Variants in GABRA3 observed in about 807,000 individuals in gnomAD.
GABRA3 encodes gamma-aminobutyric acid receptor subunit alpha-3.
GABRA3 carries 10 observed loss-of-function variants against 30.1 expected under a neutral mutation model. That is an observed-to-expected ratio of 0.33 (90% CI 0.20 to 0.56). The LOEUF (loss-of-function observed/expected upper bound fraction) is 0.56. Among genes scored for constraint, GABRA3 ranks in the 20% least tolerant of loss-of-function variants. GABRA3 has a pLI of 0.89. For missense variants in GABRA3, 233 were observed against 392.0 expected (o/e 0.59, Z 3.42); for synonymous variants, 151 against 146.8 (o/e 1.03, Z -0.21).
At chrX:152,341,904 A>C (rs1224327901) in intron 3 of GABRA3, among the ~76,000 whole-genome samples, 2 of 96,591 alleles carry the variant, frequency 2.1e-5, no homozygotes, top group African/African-American at 7.8e-5. Flanking sequence ...ATGGAGTCTC[A>C]CTCTGTTGCC....
At chrX:152,308,336 T>C (rs1939750287) in intron 3 of GABRA3, among the ~76,000 whole-genome samples, 1 of 112,720 alleles carries the variant, frequency 8.9e-6, no homozygotes, top group African/African-American at 3.2e-5. Flanking sequence ...GCTGCTGGCA[T>C]GCATACGCAC....
At chrX:152,237,864 G>T (rs1326038960) in intron 5 of GABRA3, among the ~76,000 whole-genome samples, 31 of 110,023 alleles carry the variant, frequency 2.8e-4, no homozygotes, top group African/African-American at 9.6e-4. Context: ...CTTTGCTGAA[G>T]TTGCTTATCA....
intron 3 of GABRA3, among the ~76,000 whole-genome samples, chrX:152,326,921 G>T (rs1331670219): frequency 9.1e-6 from 1 of 110,072 alleles, no homozygotes; most frequent in Non-Finnish European, 1.9e-5. Context: ...ATTGGATAAA[G>T]AATCTAGACC....
intron 6 of GABRA3, among the ~76,000 whole-genome samples, chrX:152,213,709 C>A (rs1229360970): frequency 9.0e-6 from 1 of 111,447 alleles, no homozygotes; most frequent in African/African-American, 3.3e-5. Context: ...AGGTAGGTAA[C>A]CAGAATACAG....
chrX:152,210,380 C>T (rs1603210216), intron 6 of GABRA3, among the ~76,000 whole-genome samples: 1 of 111,525 alleles, frequency 9.0e-6, no homozygotes, highest in African/African-American at 3.3e-5. Context: ...TTTCATTTTC[C>T]TCATTTCTAC....
At chrX:152,377,248 CT>C (rs1402874236) in intron 1 of GABRA3, among the ~76,000 whole-genome samples, 2 of 111,496 alleles carry the variant, frequency 1.8e-5, no homozygotes, top group African/African-American at 6.5e-5. Context: ...AGTTGCTATT[CT>C]TTATCCATCC....
At chrX:152,240,687 C>A (rs1319868108) in intron 5 of GABRA3, among the ~76,000 whole-genome samples, 2 of 101,195 alleles carry the variant, frequency 2.0e-5, no homozygotes, top group Non-Finnish European at 3.9e-5. Flanking sequence ...GGAGGCTTTG[C>A]TCATATCTTT....
At chrX:152,423,883 A>G (rs921390335) in intron 1 of GABRA3, among the ~76,000 whole-genome samples, 4 of 111,499 alleles carry the variant, frequency 3.6e-5, no homozygotes, top group Non-Finnish European at 5.7e-5. Context: ...TTACATTTGG[A>G]TATTACAAAT....
At chrX:152,259,472 C>T (rs1006124825) in intron 4 of GABRA3, among the ~76,000 whole-genome samples, 4 of 111,366 alleles carry the variant, frequency 3.6e-5, no homozygotes, top group Admixed American at 9.5e-5. Context: ...CAAAAGAGAT[C>T]GCTTCCTTCC....
chrX:152,208,004 T>C lies in GABRA3; in HGVS notation c.775A>G (p.Thr259Ala). Residue 259 changes from threonine to alanine, a missense_variant, in exon 7 of 10, where the codon ACA (threonine) becomes GCA (alanine). Transcript: ENST00000370314. ...TTAAATAAAATAAGTTAAATACCTGTACTAGACCGGATTATCTCTGTCCCA... is the reference window on the plus strand; with the variant it reads ...TTAAATAAAATAAGTTAAATACCTGCACTAGACCGGATTATCTCTGTCCCA... ...VVGTEIIRSS[T>A]GEYVVMTTHF... The C allele has an allele frequency of 8.3e-7, 1 of 1,210,510 alleles. No individual in the cohort carries two copies. Among genetic ancestry groups the C allele is most frequent in the Non-Finnish European group, 1.1e-6 (1 of 894,581 alleles).
chrX:152,190,259 A>G (rs950973797), intron 8 of GABRA3, among the ~76,000 whole-genome samples: 10 of 105,462 alleles, frequency 9.5e-5, no homozygotes, highest in African/African-American at 3.4e-4. Context: ...TTTTAATTAG[A>G]AAAAAAAAAA....
In GABRA3 at chrX:152,388,014, T is replaced by C. The variant is rs1242464531; in HGVS notation, c.-26-23418A>G. Among the ~76,000 whole-genome samples the C allele has an allele frequency of 2.7e-5, 3 of 112,013 alleles. No homozygotes were observed. In the South Asian group the frequency reaches 1.1e-3, roughly 41 times the overall value. Reference sequence around the variant, plus strand: ...ATATTTTCTGCAATATAACAGTATATTAGTTAAATTTTAAAAAATAAATTG... The same window carrying C: ...ATATTTTCTGCAATATAACAGTATACTAGTTAAATTTTAAAAAATAAATTG... On this transcript the variant is annotated intron_variant, in intron 1 of 9. Coordinates refer to ENST00000370314, the MANE Select transcript of GABRA3 (RefSeq NM_000808.4).
intron 3 of GABRA3, among the ~76,000 whole-genome samples, chrX:152,340,985 C>T (rs925727849): frequency 4.5e-5 from 5 of 111,036 alleles, no homozygotes; most frequent in Middle Eastern, 4.2e-3. Flanking sequence ...GAGTAGTGTA[C>T]GTTGTACCCA....
chrX:152,415,482 A>C (rs1930187985), intron 1 of GABRA3, among the ~76,000 whole-genome samples: 1 of 111,355 alleles, frequency 9.0e-6, no homozygotes, highest in Non-Finnish European at 1.9e-5. Flanking sequence ...ACTATAAAGG[A>C]GTAACATGAG....
chrX:152,272,482 T>C (rs938910191), intron 4 of GABRA3, among the ~76,000 whole-genome samples: 2 of 112,587 alleles, frequency 1.8e-5, no homozygotes, highest in Non-Finnish European at 3.8e-5. Context: ...GTAACTAACT[T>C]GCTTTCAATT....
At chrX:152,406,093 T>C in intron 1 of GABRA3, among the ~76,000 whole-genome samples, 1 of 109,545 alleles carries the variant, frequency 9.1e-6, no homozygotes, top group Admixed American at 9.8e-5. Context: ...AGTCACATCA[T>C]TCCCGAGTTT....
chrX:152,365,956 G>C (rs1928647764), intron 1 of GABRA3, among the ~76,000 whole-genome samples: 1 of 111,469 alleles, frequency 9.0e-6, no homozygotes, highest in South Asian at 3.7e-4. Flanking sequence ...TCACAATTTT[G>C]GTTTTATCAA....
intron 1 of GABRA3, among the ~76,000 whole-genome samples, chrX:152,365,325 T>C (rs1330274417): frequency 4.5e-5 from 5 of 111,583 alleles, no homozygotes; most frequent in Non-Finnish European, 9.4e-5. Flanking sequence ...TTCCTTTAGA[T>C]AGGGGACACA....
At chrX:152,171,284 G>A (rs1312918777) in intron 9 of GABRA3, 1 of 171,967 alleles carries the variant, frequency 5.8e-6, no homozygotes, top group African/African-American at 3.1e-5. Context: ...TAGCTCCATA[G>A]GCACTTTATG....
Sources: gnomAD v4.1 joint callset for allele counts (sites outside exome capture counted in the v4.1 genomes callset) on GRCh38, gnomAD v4.1.1 for gene constraint, MANE v1.5 for transcripts, NCBI Gene and HGNC (gene_info 2026-07-23, HGNC 2026-07-21) for gene names.